ABCA1: variants seen among roughly 807,000 people sequenced by gnomAD.
The protein encoded by ABCA1 is phospholipid-transporting ATPase ABCA1.
ABCA1 carries 133 observed loss-of-function variants against 262.5 expected under a neutral mutation model. The observed-to-expected ratio is 0.51, with a 90% CI of 0.44 to 0.59. The LOEUF (loss-of-function observed/expected upper bound fraction) is 0.59, where lower values mean the gene tolerates loss of function less well. Among genes scored for constraint, ABCA1 ranks in the 20% least tolerant of loss-of-function variants. The pLI is 0.00. For synonymous variants in ABCA1, 1,022 were observed against 1,043.5 expected (o/e 0.98, Z 0.40); for missense variants, 2,452 against 2,777.5 (o/e 0.88, Z 2.63).
In ABCA1 at chr9:104,804,632, G is replaced by A. The variant is rs1830612919; in HGVS notation, c.4553C>T (p.Ala1518Val). Residue 1518 changes from alanine to valine, a missense_variant, in exon 32 of 50, where the codon GCC (alanine) becomes GTC (valine). Ala to Val is a moderately conservative substitution (Grantham distance 64). Transcript: ENST00000374736. The part of the protein sequence containing the change: ...YLVKTYVQII[A>V]KSLKNKIWVN... ...AAGTTTAGTAAAAAGTCACCTTTTG[G>A]CTATGATCTGCACATACGTCTTCAC... 2 of 1,613,840 alleles carry A rather than the reference G, an allele frequency of 1.2e-6. No individual in the cohort carries two copies. The highest frequency in any genetic ancestry group is 1.7e-5 in the Admixed American group (1 of 60,000).
At chr9:104,926,744 G>A (rs1005262762) in intron 1 of ABCA1, among the ~76,000 whole-genome samples, 2 of 152,194 alleles carry the variant, frequency 1.3e-5, no homozygotes, top group Non-Finnish European at 2.9e-5. Flanking sequence ...GTTACTCCCG[G>A]TCATTCCACG....
In ABCA1 at chr9:104,788,545, C is replaced by T. The variant is rs1397807279; in HGVS notation, c.5950G>A (p.Val1984Ile). The T allele has an allele frequency of 5.0e-6, 8 of 1,614,166 alleles. No homozygotes were observed. The Middle Eastern group carries it at 6.6e-4, about 133-fold the overall frequency. Reference sequence around the variant, plus strand: ...GGGCAGTAGCCCATGTTCTGATGTACTTCATGGATGTTTGATAAGATACTG... The same window carrying T: ...GGGCAGTAGCCCATGTTCTGATGTATTTCATGGATGTTTGATAAGATACTG... The part of the protein sequence containing the change: ...KNSILSNIHE[V>I]HQNMGYCPQF... Residue 1984 changes from valine to isoleucine, a missense_variant, in exon 45 of 50, where the codon GTA becomes ATA. Val to Ile is a conservative substitution (Grantham distance 29). Transcript: ENST00000374736.
intron 7 of ABCA1, among the ~76,000 whole-genome samples, chr9:104,851,861 A>G (rs1835409352): frequency 6.6e-6 from 1 of 152,252 alleles, no homozygotes; most frequent in Admixed American, 6.5e-5. Context: ...CGAAATGAAC[A>G]CTGGAAGATA....
At chr9:104,804,261 C>T (rs1206110610) in intron 32 of ABCA1, among the ~76,000 whole-genome samples, 1 of 152,198 alleles carries the variant, frequency 6.6e-6, no homozygotes, top group Non-Finnish European at 1.5e-5. Context: ...ACTCTATGTA[C>T]ACCATTTAAT....
intron 36 of ABCA1, 46 bp downstream of exon 36, chr9:104,799,773 C>A (rs1215849166): frequency 1.2e-6 from 2 of 1,613,902 alleles, no homozygotes; most frequent in Non-Finnish European, 1.7e-6. Flanking sequence ...TCTCCATAAC[C>A]CTCTCCCTTG....
At chr9:104,876,223 G>A (rs1245253324) in intron 5 of ABCA1, among the ~76,000 whole-genome samples, 1 of 152,218 alleles carries the variant, frequency 6.6e-6, no homozygotes, top group Non-Finnish European at 1.5e-5. Context: ...ACCAGCATAA[G>A]CAATGGCAAG....
At chr9:104,881,843 G>C (rs7859265) in intron 5 of ABCA1, among the ~76,000 whole-genome samples, 10,624 of 151,696 alleles carry the variant, frequency 0.07, 1,104 homozygotes, top group African/African-American at 0.23. Flanking sequence ...ACAGCATCTC[G>C]ATGGCCTGGC....
At chr9:104,829,976 A>G (rs1564145264) in intron 14 of ABCA1, among the ~76,000 whole-genome samples, 2 of 144,280 alleles carry the variant, frequency 1.4e-5, no homozygotes, top group Admixed American at 6.8e-5. Context: ...ACACACACAC[A>G]CACACATCCC....
At chr9:104,917,760 A>G (rs577098580) in intron 1 of ABCA1, among the ~76,000 whole-genome samples, 320 of 152,292 alleles carry the variant, frequency 2.1e-3, no homozygotes, top group Non-Finnish European at 3.3e-3. Context: ...CTCAAAAAAA[A>G]AAAGGAGTAA....
At chr9:104,886,516 T>C (rs1839190480) in intron 3 of ABCA1, among the ~76,000 whole-genome samples, 1 of 152,232 alleles carries the variant, frequency 6.6e-6, no homozygotes, top group African/African-American at 2.4e-5. Flanking sequence ...CTAAGTCAGC[T>C]GCTCTTCATT....
intron 1 of ABCA1, among the ~76,000 whole-genome samples, chr9:104,920,982 A>T (rs1423417925): frequency 6.6e-6 from 1 of 152,226 alleles, no homozygotes; most frequent in East Asian, 1.9e-4. Flanking sequence ...ATCCATTAGT[A>T]ATAACCAGAA....
chr9:104,860,407 A>G (rs1232284675), intron 6 of ABCA1, among the ~76,000 whole-genome samples: 1 of 152,188 alleles, frequency 6.6e-6, no homozygotes. Context: ...CACAAGGCAT[A>G]TTTTCCTAGT....
chr9:104,805,897 G>A (rs187780220), intron 31 of ABCA1, among the ~76,000 whole-genome samples: 113 of 152,312 alleles, frequency 7.4e-4, no homozygotes, highest in Non-Finnish European at 1.4e-3. Flanking sequence ...CTGAGGTCAG[G>A]AATTCCAGAC....
At chr9:104,917,669 G>A (rs527793321) in intron 1 of ABCA1, among the ~76,000 whole-genome samples, 51 of 152,124 alleles carry the variant, frequency 3.4e-4, no homozygotes, top group East Asian at 7.7e-4. Flanking sequence ...CAGGAGAATC[G>A]CTTGAACCCA....
chr9:104,907,424 C>G (rs1449514082), intron 1 of ABCA1, among the ~76,000 whole-genome samples: 2 of 152,172 alleles, frequency 1.3e-5, no homozygotes, highest in African/African-American at 4.8e-5. Context: ...ATTTCTGTTT[C>G]CTTCATCCCT....
At chr9:104,821,982 C>G (rs182567285) in intron 19 of ABCA1, among the ~76,000 whole-genome samples, 1 of 152,092 alleles carries the variant, frequency 6.6e-6, no homozygotes, top group Admixed American at 6.6e-5. Context: ...CAAAGATATA[C>G]CCTTTGGAAT....
rs41297205 is a variant in ABCA1 at position 104,825,576 on chromosome 9, G to A, written c.2542+107C>T. 3.6e-3 allele frequency: 4,236 copies of A among 1,164,956 alleles called. 11 individuals carry two copies. Among genetic ancestry groups the A allele is most frequent in the Non-Finnish European group, 4.6e-3 (3,561 of 781,750 alleles). The allele number at this position is 1,164,956 out of a possible 1,614,324, so 72.2% of individuals were successfully genotyped here. On this transcript the variant is annotated intron_variant, in intron 17 of 49. Transcript: ENST00000374736. The stretch of plus-strand genomic sequence containing the variant: ...ACTATCTGTTTACTATAGATCTATA[G>A]CCCAAACCACTTCCCAGGGAAGCCC...
Position 104,861,679 on chromosome 9 carries a change from C to G in ABCA1, c.543G>C (p.Lys181Asn). The stretch of plus-strand genomic sequence containing the variant: ...GAGGAAGCTGGAGGCATCAGCTTAC[C>G]TTGTGGAGAATGACATCAGCCCTCA... Reference protein sequence around the residue: ...KMLRADVILHKVFLQGYQLHL... With the variant: ...KMLRADVILHNVFLQGYQLHL... Residue 181 changes from lysine to asparagine, a missense_variant and splice_region_variant, in exon 6 of 50, where the codon AAG becomes AAC. Physicochemically the swap from Lys to Asn is moderately conservative, Grantham distance 94. Around this residue, in one of 4 missense-constraint regions of ABCA1, gnomAD observed 1,032 missense variants for 1,089.7 expected, o/e 0.95. Coordinates refer to ENST00000374736, the MANE Select transcript of ABCA1 (RefSeq NM_005502.4). The G allele has an allele frequency of 1.2e-6, 2 of 1,614,140 alleles. No homozygotes were observed. The highest frequency in any genetic ancestry group is 1.7e-6 in the Non-Finnish European group (2 of 1,180,040).
intron 11 of ABCA1, among the ~76,000 whole-genome samples, chr9:104,836,078 T>A (rs1833791939): frequency 6.6e-6 from 1 of 152,222 alleles, no homozygotes; most frequent in South Asian, 2.1e-4. Context: ...GCTATATTAG[T>A]CAGTGTGAAT....
Sources: gnomAD v4.1 joint callset for allele counts (sites outside exome capture counted in the v4.1 genomes callset) on GRCh38, gnomAD v4.1.1 for gene constraint, gnomAD v4.1.1 regional missense constraint, MANE v1.5 for transcripts, NCBI Gene and HGNC (gene_info 2026-07-23, HGNC 2026-07-21) for gene names.